The following SH3RF3 variants were observed in gnomAD, a reference collection of about 807,000 sequenced individuals.
The protein encoded by SH3RF3 is SH3 domain containing ring finger 3, also known as E3 ubiquitin-protein ligase SH3RF3.
In SH3RF3, 29 loss-of-function variants were observed where a neutral mutation model predicts 66.3. The ratio of observed to expected loss-of-function variants is 0.44; its 90% CI spans 0.33 to 0.60. The LOEUF (loss-of-function observed/expected upper bound fraction) is 0.60. SH3RF3 is among the 20% of genes least tolerant of loss of function. The pLI is 0.04. For missense variants in SH3RF3, 1,194 were observed against 1,190.9 expected, an observed-to-expected ratio of 1.00 and a Z score of -0.04; for synonymous variants, 583 against 532.0, an observed-to-expected ratio of 1.10 and a Z score of -1.32.
intron 1 of SH3RF3, among the ~76,000 whole-genome samples, chr2:109,206,941 G>C (rs1227112129): frequency 6.6e-6 from 1 of 152,226 alleles, no homozygotes; most frequent in African/African-American, 2.4e-5. Context: ...TCTGTGTCAT[G>C]TGTGGCTTGT....
rs1164282129 is a variant in SH3RF3 at position 109,503,711 on chromosome 2, G to C, written c.*2040G>C. On this transcript the variant is annotated 3_prime_UTR_variant, in exon 10 of 10. Coordinates refer to ENST00000309415, the MANE Select transcript of SH3RF3 (RefSeq NM_001099289.3). ...CTCCAGGGAAACCAGACCAAGTCAA[G>C]TCTCCAGGTAACTTTTTTGAAGTCT... 1 of 152,206 alleles carries C rather than the reference G, an allele frequency of 6.6e-6. No individual in the cohort carries two copies. The highest frequency in any genetic ancestry group is 1.5e-5 in the Non-Finnish European group (1 of 68,054). The allele number at this position is 152,206 out of a possible 1,614,324, so 9.4% of individuals were successfully genotyped here. A position where few individuals can be genotyped will look rare whatever the true frequency, so the allele number is the denominator to read the frequency against.
At chr2:109,374,297 A>T (rs1330166446) in intron 3 of SH3RF3, among the ~76,000 whole-genome samples, 1 of 152,166 alleles carries the variant, frequency 6.6e-6, no homozygotes, top group Non-Finnish European at 1.5e-5. Flanking sequence ...ACTGGGCTCC[A>T]CGCCACACAC....
At chr2:109,498,888 A>G (rs1417905266) in intron 9 of SH3RF3, among the ~76,000 whole-genome samples, 2 of 152,138 alleles carry the variant, frequency 1.3e-5, no homozygotes, top group Non-Finnish European at 2.9e-5. Flanking sequence ...GGGCAGAGGG[A>G]GCAGCATATG....
chr2:109,377,414 C>T (rs976230732), intron 3 of SH3RF3, among the ~76,000 whole-genome samples: 6 of 152,084 alleles, frequency 3.9e-5, no homozygotes, highest in Non-Finnish European at 8.8e-5. Context: ...GCGTCAGTGG[C>T]TGTGGTAGGA....
chr2:109,147,839 G>A (rs1056107025), intron 1 of SH3RF3, among the ~76,000 whole-genome samples: 19 of 152,160 alleles, frequency 1.2e-4, no homozygotes, highest in Middle Eastern at 3.2e-3. Context: ...CTGTAGATGA[G>A]TATGCATATG....
rs890343505 is a variant in SH3RF3, at chr2:109,299,088, G to A, written c.574-48586G>A. 2.0e-5 allele frequency among the ~76,000 whole-genome samples: 3 copies of A among 152,250 alleles called. No individual in the cohort carries two copies. The East Asian group carries it at 5.8e-4, about 30-fold the overall frequency. Reference sequence around the variant, plus strand: ...GCCCTGTCTTCCCCACAAGCCACTGGGCAGGCTCCCCCAGGGCATTTGCAG... The same window carrying A: ...GCCCTGTCTTCCCCACAAGCCACTGAGCAGGCTCCCCCAGGGCATTTGCAG... On this transcript the variant is annotated intron_variant, in intron 1 of 9. Transcript: ENST00000309415.
chr2:109,410,486 A>C (rs1172684689), intron 4 of SH3RF3, among the ~76,000 whole-genome samples: 2 of 152,202 alleles, frequency 1.3e-5, no homozygotes, highest in Non-Finnish European at 2.9e-5. Flanking sequence ...TGCTTGTGCT[A>C]AGTTCCATCA....
At chr2:109,370,132 G>T (rs1683235503) in intron 2 of SH3RF3, among the ~76,000 whole-genome samples, 1 of 152,240 alleles carries the variant, frequency 6.6e-6, no homozygotes, top group Non-Finnish European at 1.5e-5. Flanking sequence ...GAAGGGAACA[G>T]AGGTTCGCCA....
intron 1 of SH3RF3, among the ~76,000 whole-genome samples, chr2:109,284,684 T>C (rs1559001127): frequency 6.6e-6 from 1 of 152,218 alleles, no homozygotes; most frequent in East Asian, 1.9e-4. Flanking sequence ...GTGATTTTTT[T>C]GAGACCCTTC....
intron 1 of SH3RF3, among the ~76,000 whole-genome samples, chr2:109,175,716 T>C (rs1201001726): frequency 6.6e-6 from 1 of 152,168 alleles, no homozygotes; most frequent in African/African-American, 2.4e-5. Flanking sequence ...CTAGGTAGAG[T>C]GTACATAAAA....
chr2:109,151,189 A>G (rs1677218296), intron 1 of SH3RF3, among the ~76,000 whole-genome samples: 1 of 152,202 alleles, frequency 6.6e-6, no homozygotes, highest in Non-Finnish European at 1.5e-5. Context: ...TATATTGAAA[A>G]TATGTGTCCA....
At chr2:109,404,734 T>C (rs1238802613) in intron 4 of SH3RF3, among the ~76,000 whole-genome samples, 1 of 152,130 alleles carries the variant, frequency 6.6e-6, no homozygotes, top group Non-Finnish European at 1.5e-5. Context: ...ATTGACCTAC[T>C]GCTTCCTCTT....
intron 2 of SH3RF3, among the ~76,000 whole-genome samples, chr2:109,363,144 T>C (rs904382327): frequency 3.3e-5 from 5 of 152,176 alleles, no homozygotes; most frequent in African/African-American, 1.2e-4. Flanking sequence ...TTTTCCTGTC[T>C]TTCACTCTTT....
intron 1 of SH3RF3, among the ~76,000 whole-genome samples, chr2:109,131,331 G>C (rs748510064): frequency 1.3e-5 from 2 of 152,094 alleles, no homozygotes; most frequent in Admixed American, 6.5e-5. Context: ...TGCTGAAGGG[G>C]AATTTTTTTC....
At chr2:109,402,398 G>A (rs34276712) in intron 4 of SH3RF3, among the ~76,000 whole-genome samples, 46,625 of 152,232 alleles carry the variant, frequency 0.31, 8,455 homozygotes, top group Non-Finnish European at 0.41. Flanking sequence ...GTGGCACTTC[G>A]GCTTTGATCA....
At chr2:109,498,045 C>T (rs914619776) in intron 9 of SH3RF3, among the ~76,000 whole-genome samples, 4 of 152,130 alleles carry the variant, frequency 2.6e-5, no homozygotes, top group Non-Finnish European at 5.9e-5. Context: ...TTTCACAGAC[C>T]GCTGGCTGCA....
At chr2:109,237,745 G>A (rs946210998) in intron 1 of SH3RF3, among the ~76,000 whole-genome samples, 2 of 152,114 alleles carry the variant, frequency 1.3e-5, no homozygotes, top group Non-Finnish European at 2.9e-5. Context: ...TTGATTTAGC[G>A]ATGACATCTG....
intron 1 of SH3RF3, among the ~76,000 whole-genome samples, chr2:109,220,662 A>C (rs918946985): frequency 6.6e-6 from 1 of 152,248 alleles, no homozygotes; most frequent in African/African-American, 2.4e-5. Flanking sequence ...AAGCACATGA[A>C]AAGATGCTTC....
chr2:109,448,721 A>G (rs1677778330), intron 7 of SH3RF3, among the ~76,000 whole-genome samples: 2 of 152,218 alleles, frequency 1.3e-5, no homozygotes, highest in African/African-American at 4.8e-5. Flanking sequence ...TAGTAATAAT[A>G]GAAATAAAGT....
Sources: allele counts gnomAD v4.1 joint callset (sites outside exome capture counted in the v4.1 genomes callset), GRCh38; gene constraint gnomAD v4.1.1; transcripts MANE v1.5; gene names NCBI Gene and HGNC (gene_info 2026-07-23, HGNC 2026-07-21).